Variants in GALNT7 observed in about 807,000 individuals in gnomAD.
GALNT7 encodes polypeptide N-acetylgalactosaminyltransferase 7.
In GALNT7, 60 loss-of-function variants were observed where a neutral mutation model predicts 82.1. The ratio of observed to expected loss-of-function variants is 0.73; its 90% CI spans 0.59 to 0.91. The LOEUF is 0.91. GALNT7 is among the 40% of genes least tolerant of loss of function. The pLI, the probability that GALNT7 is intolerant of heterozygous loss-of-function variation, is 0.00. For missense variants in GALNT7, 660 were observed against 804.2 expected, an observed-to-expected ratio of 0.82 and a Z score of 2.17; for synonymous variants, 243 against 275.1, an observed-to-expected ratio of 0.88 and a Z score of 1.15.
intron 1 of GALNT7, among the ~76,000 whole-genome samples, chr4:173,240,421 T>C (rs1433642005): frequency 3.6e-5 from 5 of 140,704 alleles, no homozygotes; most frequent in Non-Finnish European, 6.0e-5. Context: ...CAGGCTGGAG[T>C]GCAATGGCAC....
At chr4:173,268,917 C>T (rs1735617307) in intron 2 of GALNT7, among the ~76,000 whole-genome samples, 1 of 152,122 alleles carries the variant, frequency 6.6e-6, no homozygotes, top group Admixed American at 6.5e-5. Context: ...AATTGCAATC[C>T]ACATTTGTGG....
chr4:173,269,171 A>C (rs1441639680), intron 2 of GALNT7, among the ~76,000 whole-genome samples: 1 of 152,184 alleles, frequency 6.6e-6, no homozygotes, highest in Non-Finnish European at 1.5e-5. Context: ...GAACAAAACA[A>C]AATATTTTTT....
At chr4:173,321,422 A>G (rs1737809975) in intron 11 of GALNT7, among the ~76,000 whole-genome samples, 158 bp from the exon 12 acceptor site, 1 of 152,180 alleles carries the variant, frequency 6.6e-6, no homozygotes, top group Non-Finnish European at 1.5e-5. Flanking sequence ...AGAGAAATCC[A>G]GAAAACTGAC....
At chr4:173,255,337 T>C (rs774793012) in intron 2 of GALNT7, among the ~76,000 whole-genome samples, 22 of 152,204 alleles carry the variant, frequency 1.4e-4, no homozygotes, top group Non-Finnish European at 2.8e-4. Context: ...CTCTGGTTAT[T>C]GTCCAAGTTG....
chr4:173,291,311 C>T (rs1042931128), intron 2 of GALNT7, among the ~76,000 whole-genome samples: 16 of 152,314 alleles, frequency 1.1e-4, no homozygotes, highest in Middle Eastern at 3.4e-3. Flanking sequence ...TTCAGTTTCT[C>T]TCCAGAAACA....
intron 1 of GALNT7, among the ~76,000 whole-genome samples, chr4:173,220,748 G>A (rs192444437): frequency 7.4e-4 from 111 of 149,094 alleles, no homozygotes; most frequent in African/African-American, 2.1e-3. Flanking sequence ...GAGAATATGC[G>A]GTGTTTGGTT....
rs563049504 is a variant in GALNT7, at chr4:173,323,434, C to T, written c.*1717C>T. 2 of 152,596 alleles carry T rather than the reference C, an allele frequency of 1.3e-5. No individual in the cohort carries two copies. Among genetic ancestry groups the T allele is most frequent in the African/African-American group, 4.8e-5 (2 of 41,550 alleles). The allele number at this position is 152,596 out of a possible 1,614,324, so 9.5% of individuals were successfully genotyped here. A position where few individuals can be genotyped will look rare whatever the true frequency, so the allele number is the denominator to read the frequency against. ...AACTTTCATCTCTAGGGATGTTTAA[C>T]ATTTATAATTGCAAAATAAACCAAC... On this transcript the variant is annotated 3_prime_UTR_variant, in exon 12 of 12. Transcript: ENST00000265000.
intron 2 of GALNT7, among the ~76,000 whole-genome samples, chr4:173,261,924 T>C (rs1266689153): frequency 6.6e-6 from 1 of 152,182 alleles, no homozygotes; most frequent in Non-Finnish European, 1.5e-5. Flanking sequence ...AAAATAAAAT[T>C]TTAATCGTTA....
At chr4:173,258,416 C>T (rs1341451436) in intron 2 of GALNT7, among the ~76,000 whole-genome samples, 2 of 152,186 alleles carry the variant, frequency 1.3e-5, no homozygotes, top group African/African-American at 4.8e-5. Context: ...GAATACTTCT[C>T]GATCACTTCA....
intron 2 of GALNT7, among the ~76,000 whole-genome samples, chr4:173,291,776 A>G (rs1579995578): frequency 6.6e-6 from 1 of 151,898 alleles, no homozygotes; most frequent in East Asian, 1.9e-4. Context: ...AAAGGAAAAT[A>G]ACTAAGGTCC....
Position 173,321,707 on chromosome 4 carries a change from A to G in GALNT7, c.1964A>G (p.His655Arg), listed in dbSNP as rs373823508. 2.1e-5 allele frequency: 34 copies of G among 1,607,682 alleles called. No homozygotes were observed. Among genetic ancestry groups the G allele is most frequent in the Non-Finnish European group, 2.6e-5 (31 of 1,174,576 alleles). ...CAAAAATGGGAAATGAATAACATCC[A>G]TAGTGTTTAGAGAGAAAAAAATAAA... ...TTQKWEMNNI[H>R]SV The change falls in exon 12 of 12, where the codon CAT (histidine) becomes CGT (arginine). Residue 655 changes from histidine to arginine, a missense_variant. Coordinates refer to ENST00000265000, the MANE Select transcript of GALNT7 (RefSeq NM_017423.3).
intron 2 of GALNT7, among the ~76,000 whole-genome samples, chr4:173,283,667 T>G (rs1358206193): frequency 1.3e-5 from 2 of 151,606 alleles, no homozygotes; most frequent in Non-Finnish European, 2.9e-5. Flanking sequence ...AGTGACATTC[T>G]TTACTCACCA....
At chr4:173,237,526 G>C (rs1482122548) in intron 1 of GALNT7, among the ~76,000 whole-genome samples, 1 of 152,160 alleles carries the variant, frequency 6.6e-6, no homozygotes, top group Non-Finnish European at 1.5e-5. Flanking sequence ...CTCTCAGTCA[G>C]TAAAATGTTT....
intron 2 of GALNT7, among the ~76,000 whole-genome samples, chr4:173,277,668 T>C (rs1404219669): frequency 6.6e-6 from 1 of 152,210 alleles, no homozygotes; most frequent in East Asian, 1.9e-4. Flanking sequence ...ATTCTAGATA[T>C]GTATTCCAAG....
In GALNT7 at chr4:173,320,662, C is replaced by T. The variant is rs1737779306; in HGVS notation, c.1837-918C>T. ...TAATTGTGGCTGTTTTTTTATTGTACACCACAACTTAATAATTAAGTGGTA... is the reference window on the plus strand; with the variant it reads ...TAATTGTGGCTGTTTTTTTATTGTATACCACAACTTAATAATTAAGTGGTA... On this transcript the variant is annotated intron_variant, in intron 11 of 11. Coordinates refer to ENST00000265000, the MANE Select transcript of GALNT7 (RefSeq NM_017423.3). This position sits in a 1 kb window ranked among gnomAD's most constrained non-coding sequence, Gnocchi z 4.1. 6.6e-6 allele frequency among the ~76,000 whole-genome samples: 1 copy of T among 152,074 alleles called. No homozygotes were observed. Among genetic ancestry groups the T allele is most frequent in the African/African-American group, 2.4e-5 (1 of 41,414 alleles).
In GALNT7 at chr4:173,276,815, AT is replaced by A. The variant is rs151292026; in HGVS notation, c.588-15283del. On this transcript the variant is annotated intron_variant, in intron 2 of 11. Coordinates refer to ENST00000265000, the MANE Select transcript of GALNT7 (RefSeq NM_017423.3). ...CCAGTGATGACTAGGTTGCATGAAA[AT>A]TTTTTTTTTCTCATTTCAAACAGTA... Among the ~76,000 whole-genome samples the A allele has an allele frequency of 9.5e-3, 1,427 of 150,662 alleles. 20 individuals carry two copies. The highest frequency in any genetic ancestry group is 0.031 in the African/African-American group (1,280 of 41,076).
At chr4:173,195,199 TTTA>T (rs1732739162) in intron 1 of GALNT7, among the ~76,000 whole-genome samples, 1 of 152,184 alleles carries the variant, frequency 6.6e-6, no homozygotes, top group Non-Finnish European at 1.5e-5. Context: ...TGTTTGAACT[TTTA>T]TTTCTACTTC....
At chr4:173,240,308 A>G (rs1734380482) in intron 1 of GALNT7, among the ~76,000 whole-genome samples, 1 of 151,884 alleles carries the variant, frequency 6.6e-6, no homozygotes, top group Non-Finnish European at 1.5e-5. Flanking sequence ...AATACTTACT[A>G]ATGTATCTAC....
At chr4:173,260,588 A>G (rs1735223290) in intron 2 of GALNT7, among the ~76,000 whole-genome samples, 1 of 152,074 alleles carries the variant, frequency 6.6e-6, no homozygotes, top group African/African-American at 2.4e-5. Context: ...CATGTGTTTT[A>G]TTTTGTTTTG....
Sources: allele counts gnomAD v4.1 joint callset (sites outside exome capture counted in the v4.1 genomes callset), GRCh38; gene constraint gnomAD v4.1.1; non-coding constraint Gnocchi (gnomAD v3.1); transcripts MANE v1.5; gene names NCBI Gene and HGNC (gene_info 2026-07-23, HGNC 2026-07-21).